Variants in GRIA2 observed in about 807,000 individuals in gnomAD.
The protein encoded by GRIA2 is glutamate receptor 2.
A neutral mutation model predicts 97.3 loss-of-function variants in GRIA2; 14 were observed. That is an observed-to-expected ratio of 0.14 (90% CI 0.10 to 0.23). The LOEUF is 0.23. GRIA2 is among the 10% of genes least tolerant of loss of function. GRIA2 has a pLI of 1.00. For missense variants in GRIA2, 558 were observed against 1,069.8 expected (o/e 0.52, Z 6.67); for synonymous variants, 412 against 387.8 (o/e 1.06, Z -0.73).
At chr4:157,330,249 G>A (rs982960559) in intron 6 of GRIA2, among the ~76,000 whole-genome samples, 1 of 151,920 alleles carries the variant, frequency 6.6e-6, no homozygotes, top group Non-Finnish European at 1.5e-5. Context: ...CTGGACTTGA[G>A]CCTTGTCTTC....
chr4:157,256,255 AT>A (rs1561013317), intron 2 of GRIA2, among the ~76,000 whole-genome samples: 2 of 58,996 alleles, frequency 3.4e-5, no homozygotes, highest in East Asian at 5.9e-4. Context: ...TAATATATAA[AT>A]TATATATTAC....
intron 14 of GRIA2, chr4:157,362,582 A>G: frequency 1.7e-6 from 1 of 600,644 alleles, no homozygotes; most frequent in South Asian, 1.8e-5. Flanking sequence ...CCCTGCAGGT[A>G]GTCGATTGAG....
intron 2 of GRIA2, among the ~76,000 whole-genome samples, chr4:157,228,728 T>A (rs180833126): frequency 1.4e-3 from 201 of 140,376 alleles, no homozygotes; most frequent in African/African-American, 5.1e-3. Context: ...ATGAGAGAGA[T>A]GTTGCAGTGA....
At chr4:157,225,915 T>A (rs1729724183) in intron 2 of GRIA2, among the ~76,000 whole-genome samples, 2 of 151,990 alleles carry the variant, frequency 1.3e-5, no homozygotes, top group Admixed American at 1.3e-4. Context: ...TACTAAGTAT[T>A]TTTACATTAT....
At position 157,351,525 on chromosome 4, in the gene GRIA2, T is replaced by A. The variant is rs115265710; in HGVS notation, c.2044-8371T>A. 5.0e-3 allele frequency among the ~76,000 whole-genome samples: 768 copies of A among 152,268 alleles called. 3 individuals carry two copies. Among genetic ancestry groups the A allele is most frequent in the Non-Finnish European group, 8.2e-3 (555 of 68,022 alleles). On this transcript the variant is annotated intron_variant, in intron 12 of 15. Transcript: ENST00000264426. ...AACATTTGCATTGACAACTTTAAAG[T>A]CATTGTTTTTTAAGCATAAAAATTA...
chr4:157,322,868 T>C (rs1327238027), intron 6 of GRIA2, among the ~76,000 whole-genome samples: 1 of 152,314 alleles, frequency 6.6e-6, no homozygotes, highest in South Asian at 2.1e-4. Flanking sequence ...GTCTATGAGA[T>C]TGGTCCTAGA....
At chr4:157,224,867 T>C (rs1458742725) in intron 2 of GRIA2, among the ~76,000 whole-genome samples, 1 of 152,068 alleles carries the variant, frequency 6.6e-6, no homozygotes, top group African/African-American at 2.4e-5. Context: ...CCTCTAGAAA[T>C]CTCAGGAATT....
chr4:157,221,792 G>A lies in GRIA2; in HGVS notation c.214G>A (p.Ala72Thr), dbSNP rs1355725336. ...CAATTTGGAGGTGGCAAACAGCTTCGCAGTCACTAATGCTTGTAAGTAATG... is the reference window on the plus strand; with the variant it reads ...CAATTTGGAGGTGGCAAACAGCTTCACAGTCACTAATGCTTGTAAGTAATG... ...IDNLEVANSF[A>T]VTNAFCSQFS... The change falls in exon 2 of 16, where the codon GCA (alanine) becomes ACA (threonine). Residue 72 changes from alanine (A) to threonine (T), a missense_variant. This residue lies in a region of GRIA2 where 96 missense variants were observed against 176.6 expected (regional missense o/e 0.54). Coordinates refer to ENST00000264426, the MANE Select transcript of GRIA2 (RefSeq NM_001083619.3). 1 of 1,614,014 alleles carries A rather than the reference G, an allele frequency of 6.2e-7. No individual in the cohort carries two copies. The highest frequency in any genetic ancestry group is 1.7e-5 in the Admixed American group (1 of 60,022).
chr4:157,358,993 G>A (rs1736517991), intron 12 of GRIA2, among the ~76,000 whole-genome samples: 1 of 152,034 alleles, frequency 6.6e-6, no homozygotes, highest in Admixed American at 6.6e-5. Flanking sequence ...TAACAAAAGG[G>A]GTTATTCAAA....
At chr4:157,263,791 G>A (rs144488898) in intron 2 of GRIA2, among the ~76,000 whole-genome samples, 1 of 152,168 alleles carries the variant, frequency 6.6e-6, no homozygotes, top group East Asian at 1.9e-4. Flanking sequence ...CCAATGAGGA[G>A]TCAGGAAGAT....
At position 157,305,277 on chromosome 4, in the gene GRIA2, C is replaced by T. The variant is rs552325092; in HGVS notation, c.469+1486C>T. Among the ~76,000 whole-genome samples, 68 of 152,140 alleles carry T rather than the reference C, an allele frequency of 4.5e-4. 3 individuals are homozygous for T. The South Asian group carries it at 0.014, about 32-fold the overall frequency. On this transcript the variant is annotated intron_variant, in intron 3 of 15. Coordinates refer to ENST00000264426, the MANE Select transcript of GRIA2 (RefSeq NM_001083619.3). Reference sequence around the variant, plus strand: ...CATCCTATTGATGTGATTTCCACTGCCTAATTATATGTCTGTAGACACTCA... The same window carrying T: ...CATCCTATTGATGTGATTTCCACTGTCTAATTATATGTCTGTAGACACTCA...
chr4:157,365,459 T>C lies in GRIA2; in HGVS notation c.*2028T>C, dbSNP rs1736842865. The C allele has an allele frequency of 6.6e-6, 1 of 152,034 alleles. No homozygotes were observed. The highest frequency in any genetic ancestry group is 1.5e-5 in the Non-Finnish European group (1 of 67,634). The allele number at this position is 152,034 out of a possible 1,614,324, so 9.4% of individuals were successfully genotyped here. A position where few individuals can be genotyped will look rare whatever the true frequency, so the allele number is the denominator to read the frequency against. The stretch of plus-strand genomic sequence containing the variant: ...TATTGTACCTCTGGGCCTACTCTTC[T>C]AAAAATTGTAGCTTATCGATTTTTC... On this transcript the variant is annotated 3_prime_UTR_variant, in exon 16 of 16. Transcript: ENST00000264426.
chr4:157,334,335 A>G (rs1672308924), intron 9 of GRIA2: 2 of 466,240 alleles, frequency 4.3e-6, no homozygotes, highest in Admixed American at 6.7e-5. Flanking sequence ...GCTACAGTTT[A>G]CACAGATAAT....
intron 2 of GRIA2, among the ~76,000 whole-genome samples, chr4:157,255,544 T>C (rs931105677): frequency 6.6e-6 from 1 of 152,052 alleles, no homozygotes; most frequent in Non-Finnish European, 1.5e-5. Flanking sequence ...GCATTCCCTT[T>C]TCTCTGCGTC....
At chr4:157,352,932 G>C (rs565269070) in intron 12 of GRIA2, among the ~76,000 whole-genome samples, 1 of 151,940 alleles carries the variant, frequency 6.6e-6, no homozygotes, top group South Asian at 2.1e-4. Context: ...GTTGGCGGGC[G>C]CCTGTAATCC....
chr4:157,323,261 GGA>G (rs1008448448), intron 6 of GRIA2, among the ~76,000 whole-genome samples: 116 of 146,894 alleles, frequency 7.9e-4, no homozygotes, highest in Middle Eastern at 7.1e-3. Flanking sequence ...CGTGAACCCG[GGA>G]GGTAGAGCTT....
chr4:157,246,013 C>A (rs1462393807), intron 2 of GRIA2, among the ~76,000 whole-genome samples: 4 of 151,866 alleles, frequency 2.6e-5, no homozygotes, highest in Non-Finnish European at 2.9e-5. Flanking sequence ...ATAAAAAAAA[C>A]AAACTGAAAC....
intron 6 of GRIA2, among the ~76,000 whole-genome samples, chr4:157,324,820 T>C (rs1301401435): frequency 1.3e-5 from 2 of 152,132 alleles, no homozygotes; most frequent in Non-Finnish European, 2.9e-5. Flanking sequence ...AACTAGGAGA[T>C]TATATAGCAC....
chr4:157,356,596 T>C (rs1401100757), intron 12 of GRIA2, among the ~76,000 whole-genome samples: 1 of 152,100 alleles, frequency 6.6e-6, no homozygotes, highest in Non-Finnish European at 1.5e-5. Context: ...CGATTTGTCT[T>C]TGATTTGCAT....
Sources: allele counts gnomAD v4.1 joint callset (sites outside exome capture counted in the v4.1 genomes callset), GRCh38; gene constraint gnomAD v4.1.1; regional missense constraint gnomAD v4.1.1; transcripts MANE v1.5; gene names NCBI Gene and HGNC (gene_info 2026-07-23, HGNC 2026-07-21).